PIGL: variants seen among roughly 807,000 people sequenced by gnomAD.
The protein encoded by PIGL is phosphatidylinositol glycan anchor biosynthesis class L, also known as N-acetylglucosaminyl-phosphatidylinositol de-N-acetylase.
PIGL carries 22 observed loss-of-function variants against 31.1 expected under a neutral mutation model. The ratio of observed to expected loss-of-function variants is 0.71; its 90% CI spans 0.51 to 1.01. The LOEUF is 1.01. Ranked by LOEUF, PIGL falls within the 50% of genes least tolerant of loss-of-function variation. PIGL has a pLI of 0.00. For synonymous variants in PIGL, 131 were observed against 117.4 expected (o/e 1.12, Z -0.75); for missense variants, 302 against 315.9 (o/e 0.96, Z 0.33).
intron 1 of PIGL, among the ~76,000 whole-genome samples, chr17:16,224,744 C>T (rs1031460584): frequency 1.3e-5 from 2 of 152,132 alleles, no homozygotes; most frequent in African/African-American, 4.8e-5. Flanking sequence ...GCAACCTCCA[C>T]CTCCCAGGTT....
intron 2 of PIGL, among the ~76,000 whole-genome samples, chr17:16,286,938 T>A (rs2092940600): frequency 1.3e-5 from 2 of 152,212 alleles, no homozygotes; most frequent in Non-Finnish European, 2.9e-5. Flanking sequence ...AACCTCTGCC[T>A]CATTGGCCCT....
At chr17:16,300,213 T>C in intron 3 of PIGL, 1 of 475,306 alleles carries the variant, frequency 2.1e-6, no homozygotes, top group Non-Finnish European at 3.8e-6. Flanking sequence ...AGTGCTCAGA[T>C]AGAGGCAGAA....
intron 2 of PIGL, among the ~76,000 whole-genome samples, chr17:16,267,366 A>G (rs1380457405): frequency 6.6e-6 from 1 of 151,918 alleles, no homozygotes; most frequent in East Asian, 1.9e-4. Context: ...GAGGAAGTGG[A>G]TGGGGAGGCG....
chr17:16,317,139 G>C, intron 5 of PIGL: 1 of 1,022,600 alleles, frequency 9.8e-7, no homozygotes, highest in Non-Finnish European at 1.2e-6. Context: ...TTTACTGCAT[G>C]ACCCCCATGC....
intron 2 of PIGL, among the ~76,000 whole-genome samples, chr17:16,235,393 T>C (rs1405634582): frequency 2.0e-5 from 3 of 151,816 alleles, no homozygotes; most frequent in Non-Finnish European, 4.4e-5. Flanking sequence ...CAGAATGTCC[T>C]GCATTCTGGA....
chr17:16,241,638 G>A (rs2092723788), intron 2 of PIGL, among the ~76,000 whole-genome samples: 1 of 152,008 alleles, frequency 6.6e-6, no homozygotes, highest in Admixed American at 6.6e-5. Context: ...AAGAACTGGG[G>A]ATCAGTTAGA....
At chr17:16,217,646 A>ATTCT in intron 1 of PIGL, 185 bp downstream of exon 1, 4 of 511,620 alleles carry the variant, frequency 7.8e-6, no homozygotes, top group South Asian at 6.4e-5. Flanking sequence ...GGGTTGGGGG[A>ATTCT]CGTCGGCAGC....
intron 2 of PIGL, chr17:16,283,954 T>C (rs970021638): frequency 3.3e-5 from 5 of 149,474 alleles, no homozygotes; most frequent in African/African-American, 1.2e-4. Context: ...ACCAGGATAT[T>C]GCTCATGAAA....
intron 3 of PIGL, among the ~76,000 whole-genome samples, chr17:16,300,783 G>C (rs1268785489): frequency 6.6e-6 from 1 of 152,148 alleles, no homozygotes; most frequent in Non-Finnish European, 1.5e-5. Context: ...GGTGAAGCCA[G>C]GATTTTTAAG....
chr17:16,288,485 G>A (rs1600827001), intron 2 of PIGL, among the ~76,000 whole-genome samples: 3 of 152,052 alleles, frequency 2.0e-5, no homozygotes, highest in South Asian at 4.1e-4. Context: ...GATTACAGGC[G>A]TGAGCCACTG....
At chr17:16,265,709 G>A (rs1010639552) in intron 2 of PIGL, among the ~76,000 whole-genome samples, 3 of 151,354 alleles carry the variant, frequency 2.0e-5, no homozygotes, top group Admixed American at 6.6e-5. Flanking sequence ...CACTGCACTC[G>A]TAGCATGGGC....
At chr17:16,313,405 C>G (rs888359895) in intron 3 of PIGL, 142 bp from the exon 4 acceptor site, 24 of 683,998 alleles carry the variant, frequency 3.5e-5, no homozygotes, top group South Asian at 5.0e-5. Context: ...CACCACTGAT[C>G]TGCTCAGAAG....
intron 2 of PIGL, among the ~76,000 whole-genome samples, chr17:16,240,995 T>A (rs940226685): frequency 9.4e-5 from 14 of 149,044 alleles, no homozygotes; most frequent in African/African-American, 3.2e-4. Context: ...ATCCCTGTAA[T>A]CCCAGCTACT....
At chr17:16,319,977 T>C (rs2093096136) in intron 6 of PIGL, among the ~76,000 whole-genome samples, 1 of 151,072 alleles carries the variant, frequency 6.6e-6, no homozygotes, top group African/African-American at 2.4e-5. Context: ...CACAGAGAGA[T>C]GGGTAGCATA....
intron 2 of PIGL, among the ~76,000 whole-genome samples, chr17:16,260,300 G>A (rs143971576): frequency 1.4e-3 from 210 of 152,314 alleles, no homozygotes; most frequent in African/African-American, 4.8e-3. Context: ...GAAGCCTGTG[G>A]GCTGGGCTGC....
chr17:16,311,234 T>C (rs1057135382), intron 3 of PIGL, among the ~76,000 whole-genome samples: 2 of 151,878 alleles, frequency 1.3e-5, no homozygotes, highest in Admixed American at 6.6e-5. Context: ...GTCGTTTTTA[T>C]ATTTCTTTTA....
chr17:16,248,384 T>C (rs2092757664), intron 2 of PIGL, among the ~76,000 whole-genome samples: 1 of 152,186 alleles, frequency 6.6e-6, no homozygotes. Context: ...ATTTCATCCT[T>C]CAGAAGTTCT....
At chr17:16,245,464 G>T (rs1324401400) in intron 2 of PIGL, among the ~76,000 whole-genome samples, 1 of 151,262 alleles carries the variant, frequency 6.6e-6, no homozygotes, top group Non-Finnish European at 1.5e-5. Context: ...TTCAGTTTAG[G>T]ATGGGTTTAT....
rs140797583 is a variant in PIGL at position 16,218,503 on chromosome 17, C to T, written c.235+1042C>T. Among the ~76,000 whole-genome samples, 6 of 152,150 alleles carry T rather than the reference C, an allele frequency of 3.9e-5. No individual in the cohort carries two copies. The East Asian group carries it at 1.2e-3, about 29-fold the overall frequency. On this transcript the variant is annotated intron_variant, in intron 1 of 6. Transcript: ENST00000225609. ...GTTAAATGGCTTCATCGGGATAAAC[C>T]TTAATCATCCCTTATTGTTTGTACA...
Sources: gnomAD v4.1 joint callset for allele counts (sites outside exome capture counted in the v4.1 genomes callset) on GRCh38, gnomAD v4.1.1 for gene constraint, MANE v1.5 for transcripts, NCBI Gene and HGNC (gene_info 2026-07-23, HGNC 2026-07-21) for gene names.